PTPN14: variants seen among roughly 807,000 people sequenced by gnomAD.
PTPN14 encodes the protein tyrosine-protein phosphatase non-receptor type 14.
PTPN14 carries 53 observed loss-of-function variants against 126.8 expected under a neutral mutation model. The ratio of observed to expected loss-of-function variants is 0.42; its 90% confidence interval spans 0.34 to 0.53. The LOEUF (loss-of-function observed/expected upper bound fraction) is 0.53. Among genes scored for constraint, PTPN14 ranks in the 20% least tolerant of loss-of-function variants. PTPN14 has a pLI of 0.08. For synonymous variants in PTPN14, 630 were observed against 599.3 expected, an observed-to-expected ratio of 1.05 and a Z score of -0.75; for missense variants, 1,257 against 1,552.9, an observed-to-expected ratio of 0.81 and a Z score of 3.20.
At chr1:214,516,491 C>T (rs922629480) in intron 1 of PTPN14, among the ~76,000 whole-genome samples, 1 of 152,300 alleles carries the variant, frequency 6.6e-6, no homozygotes, top group African/African-American at 2.4e-5. Context: ...AGAAAGCTAG[C>T]ATTCCTATAA....
intron 11 of PTPN14, among the ~76,000 whole-genome samples, chr1:214,389,848 A>G (rs1371212871): frequency 2.0e-5 from 3 of 152,260 alleles, no homozygotes; most frequent in African/African-American, 7.2e-5. Flanking sequence ...TGCCATGAAC[A>G]AATCTATTGG....
chr1:214,488,104 T>C lies in PTPN14; in HGVS notation c.-154-23147A>G, dbSNP rs569913249. Among the ~76,000 whole-genome samples the C allele has an allele frequency of 2.0e-5, 3 of 152,282 alleles. No homozygotes were observed. The South Asian group carries it at 6.2e-4, about 32-fold the overall frequency. ...GAGAAAGCAAGGGTCCTATACACCA[T>C]ACAACACAGAAGCCAACCTTTTAAA... On this transcript the variant is annotated intron_variant, in intron 1 of 18. Coordinates refer to ENST00000366956, the MANE Select transcript of PTPN14 (RefSeq NM_005401.5).
intron 11 of PTPN14, among the ~76,000 whole-genome samples, chr1:214,388,831 A>G (rs1017901662): frequency 6.6e-6 from 1 of 152,224 alleles, no homozygotes; most frequent in Non-Finnish European, 1.5e-5. Flanking sequence ...CCCTCAATGG[A>G]AGAAACGCAC....
At chr1:214,534,674 C>T (rs1461333482) in intron 1 of PTPN14, among the ~76,000 whole-genome samples, 7 of 150,526 alleles carry the variant, frequency 4.7e-5, no homozygotes, top group Admixed American at 4.6e-4. Context: ...GACCGCGCCA[C>T]TGCACTCCAG....
At position 214,383,725 on chromosome 1, in the gene PTPN14, A is replaced by C. The variant is rs1484899074; in HGVS notation, c.2130T>G (p.Ser710Arg). 8 of 1,612,318 alleles carry C rather than the reference A, an allele frequency of 5.0e-6. No individual in the cohort carries two copies. Among genetic ancestry groups the C allele is most frequent in the Admixed American group, 3.3e-5 (2 of 59,966 alleles). Reference sequence around the variant, plus strand: ...CTGGAGCCTCCTCCTCCTCCTCCTCACTCTCGCTGCTGTGGATTAGCATAG... The same window carrying C: ...CTGGAGCCTCCTCCTCCTCCTCCTCCCTCTCGCTGCTGTGGATTAGCATAG... ...DATMLIHSSE[S>R]EEEEEEAPES... The change falls in exon 13 of 19, where the codon AGT (serine) becomes AGG (arginine). Residue 710 changes from serine to arginine, a missense_variant. Transcript: ENST00000366956. The surrounding 1 kb of genome is among the most constrained non-coding windows in gnomAD (Gnocchi z 4.4).
At chr1:214,463,783 T>C (rs17023023) in intron 2 of PTPN14, among the ~76,000 whole-genome samples, 4,144 of 152,274 alleles carry the variant, frequency 0.027, 201 homozygotes, top group African/African-American at 0.095. Flanking sequence ...CCCTCAGGAA[T>C]GTCTCAGCCT....
At position 214,393,678 on chromosome 1, in the gene PTPN14, A is replaced by G; in HGVS notation, c.929+17T>C. On this transcript the variant is annotated intron_variant, in intron 10 of 18. Transcript: ENST00000366956. ...TGACAAAGCCATCAAGTCGGGGGGG[A>G]TTAAATGTTTACTTACTCAGTGCAG... 1.3e-6 allele frequency: 2 copies of G among 1,506,240 alleles called. No homozygotes were observed. The highest frequency in any genetic ancestry group is 1.8e-6 in the Non-Finnish European group (2 of 1,083,908). 93.3% of individuals were successfully genotyped at this position (1,506,240 alleles called of 1,614,324 possible). A position where few individuals can be genotyped will look rare whatever the true frequency, so the allele number is the denominator to read the frequency against.
intron 1 of PTPN14, among the ~76,000 whole-genome samples, chr1:214,510,394 ATGGT>A (rs2102442949): frequency 6.6e-6 from 1 of 152,378 alleles, no homozygotes; most frequent in South Asian, 2.1e-4. Flanking sequence ...TGCTCAATGC[ATGGT>A]TGTCACAAAC....
chr1:214,404,759 G>A (rs74139867), intron 5 of PTPN14, among the ~76,000 whole-genome samples: 3,520 of 152,260 alleles, frequency 0.023, 142 homozygotes, highest in African/African-American at 0.079. Flanking sequence ...CCTGTGGAGC[G>A]CCTTGTGTAC....
intron 1 of PTPN14, among the ~76,000 whole-genome samples, chr1:214,503,652 T>C (rs947666953): frequency 3.3e-5 from 5 of 152,256 alleles, no homozygotes; most frequent in African/African-American, 1.2e-4. Flanking sequence ...GTGATCCCAC[T>C]AGTGTGATGT....
At chr1:214,393,632 C>G (rs1658809784) in intron 10 of PTPN14, 63 bp downstream of exon 10, 2 of 1,311,336 alleles carry the variant, frequency 1.5e-6, no homozygotes, top group Admixed American at 3.5e-5. Flanking sequence ...TACAGCACCC[C>G]AAAAGGACAT....
chr1:214,393,677 G>C lies in PTPN14; in HGVS notation c.929+18C>G. Reference sequence around the variant, plus strand: ...CTGACAAAGCCATCAAGTCGGGGGGGATTAAATGTTTACTTACTCAGTGCA... The same window carrying C: ...CTGACAAAGCCATCAAGTCGGGGGGCATTAAATGTTTACTTACTCAGTGCA... On this transcript the variant is annotated intron_variant, in intron 10 of 18. Transcript: ENST00000366956. The C allele has an allele frequency of 6.7e-7, 1 of 1,485,210 alleles. No individual in the cohort carries two copies. Among genetic ancestry groups the C allele is most frequent in the Non-Finnish European group, 9.4e-7 (1 of 1,065,924 alleles). The allele number at this position is 1,485,210 out of a possible 1,614,324, so 92.0% of individuals were successfully genotyped here.
intron 1 of PTPN14, among the ~76,000 whole-genome samples, chr1:214,526,568 GA>G (rs943242657): frequency 8.4e-4 from 125 of 149,514 alleles, no homozygotes; most frequent in Middle Eastern, 3.4e-3. Flanking sequence ...AGCTCTGGTA[GA>G]AAAAAAAACA....
At chr1:214,543,713 C>T (rs1271842656) in intron 1 of PTPN14, among the ~76,000 whole-genome samples, 9 of 151,940 alleles carry the variant, frequency 5.9e-5, no homozygotes, top group African/African-American at 1.9e-4. Context: ...CTCACTGCAA[C>T]CTCCGCCTCC....
chr1:214,398,383 C>T (rs1169054225), intron 7 of PTPN14, among the ~76,000 whole-genome samples: 1 of 152,174 alleles, frequency 6.6e-6, no homozygotes, highest in African/African-American at 2.4e-5. Flanking sequence ...CCTTGTTAGA[C>T]AGGAGGACTA....
intron 3 of PTPN14, among the ~76,000 whole-genome samples, chr1:214,435,398 T>C (rs1442184303): frequency 3.9e-5 from 6 of 152,042 alleles, no homozygotes; most frequent in South Asian, 2.1e-4. Flanking sequence ...AATTATGTTA[T>C]AATTATACAA....
At chr1:214,360,450 G>A (rs1240814893) in intron 18 of PTPN14, among the ~76,000 whole-genome samples, 1 of 152,188 alleles carries the variant, frequency 6.6e-6, no homozygotes, top group East Asian at 1.9e-4. Context: ...TAGGTTATAA[G>A]CTTCTGACAG....
chr1:214,482,597 T>C (rs186643566), intron 1 of PTPN14, among the ~76,000 whole-genome samples: 29 of 149,926 alleles, frequency 1.9e-4, no homozygotes, highest in Middle Eastern at 7.0e-3. Context: ...AAAAATCACA[T>C]AGAAACTACT....
chr1:214,370,951 C>T (rs902032016), intron 16 of PTPN14, among the ~76,000 whole-genome samples: 7 of 152,202 alleles, frequency 4.6e-5, no homozygotes, highest in African/African-American at 1.7e-4. Context: ...ATTACCTTGC[C>T]TGGCTTCATT....
Sources: allele counts gnomAD v4.1 joint callset (sites outside exome capture counted in the v4.1 genomes callset), GRCh38; gene constraint gnomAD v4.1.1; non-coding constraint Gnocchi (gnomAD v3.1); transcripts MANE v1.5; gene names NCBI Gene and HGNC (gene_info 2026-07-23, HGNC 2026-07-21).